TTC39C: variants seen among roughly 807,000 people sequenced by gnomAD.
TTC39C encodes the protein tetratricopeptide repeat protein 39C.
TTC39C carries 33 observed loss-of-function variants against 76.3 expected under a neutral mutation model. That is an observed-to-expected ratio of 0.43 (90% confidence interval 0.33 to 0.58). TTC39C has a LOEUF of 0.58. Among genes scored for constraint, TTC39C ranks in the 20% least tolerant of loss-of-function variants. TTC39C has a pLI of 0.04. For missense variants in TTC39C, 595 were observed against 701.4 expected (o/e 0.85, Z 1.71); for synonymous variants, 254 against 260.6 (o/e 0.97, Z 0.24).
chr18:24,125,421 T>C lies in TTC39C; in HGVS notation c.1297-6T>C. The stretch of plus-strand genomic sequence containing the variant: ...AATGTAGCCTGTTTATTCTGACTCC[T>C]TGCAGGCAGAGCGATTTCGGAAGCA... On this transcript the variant is annotated splice_region_variant and splice_polypyrimidine_tract_variant and intron_variant, in intron 9 of 13. Coordinates refer to ENST00000317571, the MANE Select transcript of TTC39C (RefSeq NM_001135993.2). 6.2e-7 allele frequency: 1 copy of C among 1,614,180 alleles called. No individual in the cohort carries two copies. The highest frequency in any genetic ancestry group is 8.5e-7 in the Non-Finnish European group (1 of 1,180,016).
chr18:24,087,072 A>G (rs1454892825), intron 6 of TTC39C, among the ~76,000 whole-genome samples: 1 of 152,174 alleles, frequency 6.6e-6, no homozygotes, highest in Non-Finnish European at 1.5e-5. Flanking sequence ...CCACAATGCA[A>G]ACAATGTTTG....
intron 1 of TTC39C, among the ~76,000 whole-genome samples, chr18:24,037,483 A>G (rs1412699869): frequency 2.0e-5 from 3 of 152,260 alleles, no homozygotes; most frequent in East Asian, 1.9e-4. Flanking sequence ...CATTTGTGCT[A>G]TTTATCCCCC....
intron 1 of TTC39C, among the ~76,000 whole-genome samples, chr18:24,047,047 A>G (rs1412814021): frequency 6.6e-6 from 1 of 151,866 alleles, no homozygotes; most frequent in African/African-American, 2.4e-5. Context: ...ACTTTAGTAC[A>G]GTTTGCAGTT....
chr18:24,119,963 T>TC (rs11429659), intron 8 of TTC39C, among the ~76,000 whole-genome samples: 27,023 of 146,270 alleles, frequency 0.18, 2,525 homozygotes, highest in East Asian at 0.29. Context: ...GAACATTAAT[T>TC]CCCCCCCCCC....
At chr18:24,055,416 A>G (rs1030186432) in intron 1 of TTC39C, among the ~76,000 whole-genome samples, 36 of 152,130 alleles carry the variant, frequency 2.4e-4, no homozygotes, top group African/African-American at 8.0e-4. Context: ...TATTTTTGAT[A>G]GTAGCTATCC....
intron 1 of TTC39C, among the ~76,000 whole-genome samples, chr18:24,003,330 C>T (rs1054581762): frequency 2.0e-5 from 3 of 152,198 alleles, no homozygotes; most frequent in Non-Finnish European, 4.4e-5. Context: ...AAGCACACAG[C>T]GTATAACTCT....
At chr18:24,010,592 A>G (rs1034206922), upstream of TTC39C, among the ~76,000 whole-genome samples, 1 of 152,244 alleles carries the variant, frequency 6.6e-6, no homozygotes, top group Non-Finnish European at 1.5e-5. Context: ...CCTTCTTAGA[A>G]TTCCAAACAT....
chr18:24,003,435 A>C (rs1450188706), intron 1 of TTC39C, among the ~76,000 whole-genome samples: 1 of 152,200 alleles, frequency 6.6e-6, no homozygotes, highest in Non-Finnish European at 1.5e-5. Flanking sequence ...TATTTTATTC[A>C]ATTATGTCTT....
intron 10 of TTC39C, among the ~76,000 whole-genome samples, chr18:24,126,814 C>G (rs2085057313): frequency 6.6e-6 from 1 of 152,016 alleles, no homozygotes; most frequent in African/African-American, 2.4e-5. Context: ...CACCTGGCTA[C>G]TGTATTTATT....
chr18:23,997,652 GAGAAAGAAAGAAAGAA>G (rs1176951123), intron 1 of TTC39C, among the ~76,000 whole-genome samples: 67 of 44,406 alleles, frequency 1.5e-3, no homozygotes, highest in African/African-American at 5.5e-3. Flanking sequence ...AGGAAGGAAG[GAGAAAGAAAGAAAGAA>G]AGAAAGAAAG....
At chr18:24,019,541 T>TG (rs1172804918) in intron 1 of TTC39C, among the ~76,000 whole-genome samples, 1 of 152,228 alleles carries the variant, frequency 6.6e-6, no homozygotes, top group African/African-American at 2.4e-5. Flanking sequence ...CCTAAATTGT[T>TG]TAACACAGTT....
rs1330842357 is a variant in TTC39C, at chr18:24,116,045, G to C, written c.1078+1398G>C. 6.6e-5 allele frequency among the ~76,000 whole-genome samples: 10 copies of C among 152,160 alleles called. No homozygotes were observed. The East Asian group carries it at 1.7e-3, about 26-fold the overall frequency. ...AACTCAGGAGTTGGTAGTAACTCGGGCTTCCGATTCAGGCTCGGAAGCTTG... is the reference window on the plus strand; with the variant it reads ...AACTCAGGAGTTGGTAGTAACTCGGCCTTCCGATTCAGGCTCGGAAGCTTG... On this transcript the variant is annotated intron_variant, in intron 7 of 13. Coordinates refer to ENST00000317571, the MANE Select transcript of TTC39C (RefSeq NM_001135993.2).
At chr18:24,110,244 T>G (rs2084793497) in intron 6 of TTC39C, among the ~76,000 whole-genome samples, 1 of 152,186 alleles carries the variant, frequency 6.6e-6, no homozygotes. Context: ...AAGAAAACTG[T>G]TAGTAAGCTA....
rs149428949 is a variant in TTC39C at position 24,114,610 on chromosome 18, C to G, written c.1041C>G (p.Asp347Glu). The change falls in exon 7 of 14, where the codon GAC becomes GAG. Residue 347 changes from aspartate (D) to glutamate (E), a missense_variant. Asp to Glu is a conservative substitution (Grantham distance 45). Coordinates refer to ENST00000317571, the MANE Select transcript of TTC39C (RefSeq NM_001135993.2). ...SFHTALELAV[D>E]QREIQHVCLY... ...ACACTGCTTTGGAACTTGCAGTAGA[C>G]CAGAGAGAAATTCAACATGTCTGTC... 427 of 1,613,854 alleles carry G rather than the reference C, an allele frequency of 2.6e-4. 1 individual carries two copies. Among genetic ancestry groups the G allele is most frequent in the Non-Finnish European group, 2.5e-4 (290 of 1,179,876 alleles).
At position 24,041,802 on chromosome 18, in the gene TTC39C, A is replaced by T. The variant is rs367895957; in HGVS notation, c.168-22338A>T. Among the ~76,000 whole-genome samples the T allele has an allele frequency of 5.9e-5, 9 of 152,326 alleles. No homozygotes were observed. The East Asian group carries it at 1.7e-3, about 29-fold the overall frequency. The stretch of plus-strand genomic sequence containing the variant: ...CATACTCAGAATTATGTTTTGAAAA[A>T]TGTTAACATTTGTAAACATTTGCCA... On this transcript the variant is annotated intron_variant, in intron 1 of 13. Transcript: ENST00000317571.
intron 1 of TTC39C, among the ~76,000 whole-genome samples, chr18:24,042,951 A>C (rs2083815904): frequency 6.6e-6 from 1 of 152,152 alleles, no homozygotes; most frequent in South Asian, 2.1e-4. Flanking sequence ...CATGACTCTC[A>C]TAAAAATGTC....
At chr18:24,067,767 A>G (rs941075710) in intron 3 of TTC39C, among the ~76,000 whole-genome samples, 3 of 152,052 alleles carry the variant, frequency 2.0e-5, no homozygotes, top group Non-Finnish European at 2.9e-5. Flanking sequence ...TGACCATAAT[A>G]TAGTCACTAA....
chr18:23,997,657 A>AGAAAGAAAGAAAGAAGGAAG (rs751202897), intron 1 of TTC39C, among the ~76,000 whole-genome samples: 1 of 60,220 alleles, frequency 1.7e-5, no homozygotes, highest in African/African-American at 6.2e-5. Context: ...GGAAGGAGAA[A>AGAAAGAAAGAAAGAAGGAAG]GAAAGAAAGA....
At chr18:24,022,664 G>A in intron 1 of TTC39C, 1 of 985,438 alleles carries the variant, frequency 1.0e-6, no homozygotes, top group Non-Finnish European at 1.2e-6. Flanking sequence ...AGAGAGATCT[G>A]TCTTCAGGGG....
Sources: allele counts gnomAD v4.1 joint callset (sites outside exome capture counted in the v4.1 genomes callset), GRCh38; gene constraint gnomAD v4.1.1; transcripts MANE v1.5; gene names NCBI Gene and HGNC (gene_info 2026-07-23, HGNC 2026-07-21).